METTL9: variants seen among roughly 807,000 people sequenced by gnomAD.
METTL9 encodes protein-L-histidine N-pros-methyltransferase.
Under a neutral mutation model 36.0 loss-of-function variants are expected in METTL9, and 10 were observed. The ratio of observed to expected loss-of-function variants is 0.28; its 90% CI spans 0.17 to 0.47. The LOEUF is 0.47. Ranked by LOEUF, METTL9 falls within the 20% of genes least tolerant of loss-of-function variation. The pLI, the probability that METTL9 is intolerant of heterozygous loss-of-function variation, is 0.99. For missense variants in METTL9, 246 were observed against 383.5 expected, an observed-to-expected ratio of 0.64 and a Z score of 3.00; for synonymous variants, 175 against 149.7, an observed-to-expected ratio of 1.17 and a Z score of -1.23.
chr16:21,631,904 CTCTT>C (rs900831247), intron 4 of METTL9, among the ~76,000 whole-genome samples: 16 of 152,296 alleles, frequency 1.1e-4, no homozygotes, highest in Admixed American at 9.2e-4. Flanking sequence ...ACTTCCATCT[CTCTT>C]TCTCTTTGAC....
chr16:21,599,804 T>G lies in METTL9; in HGVS notation c.71T>G (p.Leu24Arg). The G allele has an allele frequency of 6.5e-7, 1 of 1,548,176 alleles. No individual in the cohort carries two copies. ...TGGCTGGCGCGGAGGATGTGGACGC[T>G]GCGGAGCCCGCTCACCCGCTCCCTG... ...SVWLARRMWT[L>R]RSPLTRSLYV... is the part of the protein sequence containing the mutation. Residue 24 changes from leucine to arginine, a missense_variant, in exon 1 of 5, where the codon CTG (leucine) becomes CGG (arginine). Coordinates refer to ENST00000358154, the MANE Select transcript of METTL9 (RefSeq NM_016025.5). The surrounding 1 kb of genome is among the most constrained non-coding windows in gnomAD (Gnocchi z 4.4).
intron 4 of METTL9, chr16:21,627,601 T>C (rs1237170775): frequency 1.3e-5 from 2 of 157,174 alleles, no homozygotes; most frequent in Non-Finnish European, 1.4e-5. Context: ...TATTAAAAAG[T>C]AATTCAGTAA....
chr16:21,644,311 C>A (rs1231403435), intron 4 of METTL9: 2 of 1,613,130 alleles, frequency 1.2e-6, no homozygotes, highest in Non-Finnish European at 1.7e-6. Flanking sequence ...GTATGAAGGC[C>A]ACGCACACAC....
intron 4 of METTL9, chr16:21,639,415 C>G (rs1056806479): frequency 6.6e-6 from 1 of 152,128 alleles, no homozygotes; most frequent in East Asian, 1.9e-4. Flanking sequence ...AGCAAATGAT[C>G]GAATTCAACA....
intron 1 of METTL9, among the ~76,000 whole-genome samples, chr16:21,604,252 C>T (rs1965215288): frequency 6.6e-6 from 1 of 152,140 alleles, no homozygotes; most frequent in African/African-American, 2.4e-5. Context: ...GTTGAAACCC[C>T]AAGTGTTTGC....
chr16:21,625,477 A>G (rs977846786), intron 4 of METTL9, among the ~76,000 whole-genome samples: 6 of 152,200 alleles, frequency 3.9e-5, no homozygotes, highest in Non-Finnish European at 7.3e-5. Context: ...GGTCGTATAT[A>G]CTTGCTGAAT....
intron 2 of METTL9, among the ~76,000 whole-genome samples, chr16:21,613,220 C>T (rs1965476503): frequency 8.2e-6 from 1 of 121,392 alleles, no homozygotes. Flanking sequence ...CAGTCCTGCT[C>T]TGTTTCCCAG....
rs950269517 is a variant in METTL9 at position 21,655,515 on chromosome 16, G to A, written c.*83G>A. ...GGGTCTGTGTTCACAATTACGTGAAGGGAGGACCCTTGGGGACCGCCATTC... is the reference window on the plus strand; with the variant it reads ...GGGTCTGTGTTCACAATTACGTGAAAGGAGGACCCTTGGGGACCGCCATTC... On this transcript the variant is annotated 3_prime_UTR_variant, in exon 5 of 5. Transcript: ENST00000358154. 2 of 1,206,836 alleles carry A rather than the reference G, an allele frequency of 1.7e-6. No homozygotes were observed. The highest frequency in any genetic ancestry group is 4.7e-5 in the Admixed American group (2 of 42,784). 74.8% of individuals were successfully genotyped at this position (1,206,836 alleles called of 1,614,324 possible). A position where few individuals can be genotyped will look rare whatever the true frequency, so the allele number is the denominator to read the frequency against.
At chr16:21,611,453 TTGAC>T (rs1464553126) in intron 1 of METTL9, among the ~76,000 whole-genome samples, 2 of 152,188 alleles carry the variant, frequency 1.3e-5, no homozygotes, top group Admixed American at 6.5e-5. Flanking sequence ...TCTTGGCCAA[TTGAC>T]TGGGAAAAAT....
intron 4 of METTL9, chr16:21,653,233 A>C (rs1170237675): frequency 6.6e-6 from 1 of 150,884 alleles, no homozygotes; most frequent in Non-Finnish European, 1.5e-5. Context: ...GACTACAGGC[A>C]TGCACCACCA....
chr16:21,616,107 C>A (rs376554633), intron 2 of METTL9, among the ~76,000 whole-genome samples: 15 of 152,294 alleles, frequency 9.8e-5, no homozygotes, highest in African/African-American at 3.4e-4. Flanking sequence ...TTACCTTGGG[C>A]ACCGTGTTGC....
In METTL9 at chr16:21,655,695, T is replaced by A; in HGVS notation, c.*263T>A. The A allele has an allele frequency of 2.7e-6, 1 of 371,080 alleles. No homozygotes were observed. The highest frequency in any genetic ancestry group is 4.9e-6 in the Non-Finnish European group (1 of 205,474). 23.0% of individuals were successfully genotyped at this position (371,080 alleles called of 1,614,324 possible). ...TCCAATGCAGGTCACACTCCAATTA[T>A]GATGGAAGATATTTTTTATACTTAA... On this transcript the variant is annotated 3_prime_UTR_variant, in exon 5 of 5. Coordinates refer to ENST00000358154, the MANE Select transcript of METTL9 (RefSeq NM_016025.5).
Position 21,656,061 on chromosome 16 carries a change from G to C in METTL9, c.*629G>C, listed in dbSNP as rs1966701960. 1 of 151,074 alleles carries C rather than the reference G, an allele frequency of 6.6e-6. No individual in the cohort carries two copies. Among genetic ancestry groups the C allele is most frequent in the Non-Finnish European group, 1.5e-5 (1 of 67,846 alleles). The allele number at this position is 151,074 out of a possible 1,614,324, so 9.4% of individuals were successfully genotyped here. A position where few individuals can be genotyped will look rare whatever the true frequency, so the allele number is the denominator to read the frequency against. ...ACAATTTGAATAGGGGGGAAGGAAGGCTTCAGACTTGGGGGAAGGGGAGAT... is the reference window on the plus strand; with the variant it reads ...ACAATTTGAATAGGGGGGAAGGAAGCCTTCAGACTTGGGGGAAGGGGAGAT... On this transcript the variant is annotated 3_prime_UTR_variant, in exon 5 of 5. Transcript: ENST00000358154.
At chr16:21,636,650 G>A (rs887494539) in intron 4 of METTL9, among the ~76,000 whole-genome samples, 4 of 152,288 alleles carry the variant, frequency 2.6e-5, no homozygotes, top group South Asian at 2.1e-4. Flanking sequence ...GTCGACCCTC[G>A]GTTCAGCCCA....
At position 21,599,683 on chromosome 16, in the gene METTL9, C is replaced by T. The variant is rs1164599387; in HGVS notation, c.-51C>T. Reference sequence around the variant, plus strand: ...GTGGCCGGAGGCGGCGGTGCCTCCTCCTCCTCGCCCCGGCGCCGGCGGTGA... The same window carrying T: ...GTGGCCGGAGGCGGCGGTGCCTCCTTCTCCTCGCCCCGGCGCCGGCGGTGA... On this transcript the variant is annotated 5_prime_UTR_variant, in exon 1 of 5. Transcript: ENST00000358154. The surrounding 1 kb of genome is among the most constrained non-coding windows in gnomAD (Gnocchi z 4.4). The T allele has an allele frequency of 7.1e-7, 1 of 1,410,684 alleles. No individual in the cohort carries two copies. The highest frequency in any genetic ancestry group is 9.2e-7 in the Non-Finnish European group (1 of 1,087,086). The allele number at this position is 1,410,684 out of a possible 1,614,324, so 87.4% of individuals were successfully genotyped here.
rs75216458 is a variant in METTL9, at chr16:21,611,708, A to G, written c.166-937A>G. On this transcript the variant is annotated intron_variant, in intron 1 of 4. Coordinates refer to ENST00000358154, the MANE Select transcript of METTL9 (RefSeq NM_016025.5). ...CCCCAGTGACATCTCTAGTCTACAA[A>G]TGAATGGAGGCTGAGAGATTTAAGT... Among the ~76,000 whole-genome samples the G allele has an allele frequency of 9.2e-5, 14 of 152,234 alleles. No individual in the cohort carries two copies. The East Asian group carries it at 2.7e-3, about 30-fold the overall frequency.
chr16:21,649,344 G>C (rs777916002), intron 4 of METTL9, among the ~76,000 whole-genome samples: 12 of 152,086 alleles, frequency 7.9e-5, no homozygotes, highest in Non-Finnish European at 1.6e-4. Flanking sequence ...GATGAGCTGG[G>C]AGCTCTGTGG....
intron 1 of METTL9, among the ~76,000 whole-genome samples, chr16:21,611,617 A>G (rs1965427097): frequency 6.6e-6 from 1 of 152,204 alleles, no homozygotes; most frequent in Non-Finnish European, 1.5e-5. Context: ...CGTGCTTTGT[A>G]TTATGTTGAG....
chr16:21,597,734 G>C (rs191575271), upstream of METTL9, among the ~76,000 whole-genome samples: 2 of 152,320 alleles, frequency 1.3e-5, no homozygotes, highest in East Asian at 3.9e-4. Flanking sequence ...TTTTGTGACA[G>C]AGTTGCTTTG....
Sources: allele counts gnomAD v4.1 joint callset (sites outside exome capture counted in the v4.1 genomes callset), GRCh38; gene constraint gnomAD v4.1.1; non-coding constraint Gnocchi (gnomAD v3.1); transcripts MANE v1.5; gene names NCBI Gene and HGNC (gene_info 2026-07-23, HGNC 2026-07-21).